The following PPA2 variants were observed in gnomAD, a reference collection of about 807,000 sequenced individuals.
PPA2 encodes inorganic pyrophosphatase 2, mitochondrial.
In PPA2, 48 loss-of-function variants were observed where a neutral mutation model predicts 49.5. The ratio of observed to expected loss-of-function variants is 0.97; its 90% CI spans 0.77 to 1.23. The LOEUF (loss-of-function observed/expected upper bound fraction) is 1.23. Among genes scored for constraint, PPA2 ranks in the 50% most tolerant of loss-of-function variants. The pLI, the probability that PPA2 is intolerant of heterozygous loss-of-function variation, is 0.00. For missense variants in PPA2, 429 were observed against 410.1 expected, an observed-to-expected ratio of 1.05 and a Z score of -0.40; for synonymous variants, 131 against 139.9, an observed-to-expected ratio of 0.94 and a Z score of 0.45.
chr4:105,449,984 G>C (rs1722597514), intron 3 of PPA2, among the ~76,000 whole-genome samples: 1 of 152,032 alleles, frequency 6.6e-6, no homozygotes, highest in African/African-American at 2.4e-5. Context: ...TCCAGACTTA[G>C]CTTGCATATC....
chr4:105,449,432 A>G, intron 3 of PPA2, 29 bp from the exon 4 acceptor site: 2 of 1,456,514 alleles, frequency 1.4e-6, no homozygotes, highest in Non-Finnish European at 1.9e-6. Context: ...CAAAGAGAGA[A>G]CATTAAAAAT....
chr4:105,384,409 A>C (rs747034872), intron 10 of PPA2, among the ~76,000 whole-genome samples: 21 of 151,656 alleles, frequency 1.4e-4, no homozygotes, highest in Non-Finnish European at 2.8e-4. Context: ...TATGTCCTCC[A>C]ATTATTTTTT....
chr4:105,396,218 CATTA>C, intron 9 of PPA2, 27 bp downstream of exon 9: 1 of 1,348,204 alleles, frequency 7.4e-7, no homozygotes. Context: ...ATTAATATAA[CATTA>C]CTTACATAGA....
chr4:105,419,601 T>C (rs1215363402), intron 7 of PPA2, among the ~76,000 whole-genome samples: 1 of 152,232 alleles, frequency 6.6e-6, no homozygotes, highest in Non-Finnish European at 1.5e-5. Context: ...CTTTTTTTAC[T>C]AATTGAAAAA....
chr4:105,453,456 C>G (rs1722749830), intron 3 of PPA2, 142 bp downstream of exon 3: 1 of 544,308 alleles, frequency 1.8e-6, no homozygotes, highest in African/African-American at 2.0e-5. Context: ...GCCCTAGCTG[C>G]CTTAAAGAAA....
intron 7 of PPA2, among the ~76,000 whole-genome samples, chr4:105,421,172 G>T (rs1043398410): frequency 9.2e-5 from 14 of 152,124 alleles, no homozygotes; most frequent in African/African-American, 2.9e-4. Context: ...AGTTATTAGG[G>T]TAATAGTAGA....
intron 5 of PPA2, among the ~76,000 whole-genome samples, chr4:105,439,317 T>C (rs1372748929): frequency 6.6e-6 from 1 of 152,222 alleles, no homozygotes; most frequent in Non-Finnish European, 1.5e-5. Flanking sequence ...TCATTTTTTA[T>C]GTGCAAATTA....
At chr4:105,395,394 G>T (rs1560610704) in intron 9 of PPA2, among the ~76,000 whole-genome samples, 1 of 151,004 alleles carries the variant, frequency 6.6e-6, no homozygotes, top group Non-Finnish European at 1.5e-5. Context: ...GACTGCTTTT[G>T]CCTCCTATAC....
At chr4:105,453,159 A>G (rs17035614) in intron 3 of PPA2, among the ~76,000 whole-genome samples, 13,883 of 152,218 alleles carry the variant, frequency 0.091, 1,299 homozygotes, top group African/African-American at 0.24. Flanking sequence ...AGGTTTTCCC[A>G]TTGTAAAATG....
Position 105,438,645 on chromosome 4 carries a change from A to G in PPA2, c.442-609T>C, listed in dbSNP as rs566390850. ...CTGGCAAGATTATACCCTGTTGGTT[A>G]CAAAATATACACATAGGAATTTTTA... On this transcript the variant is annotated intron_variant, in intron 5 of 11. Transcript: ENST00000341695. Among the ~76,000 whole-genome samples the G allele has an allele frequency of 3.9e-5, 6 of 152,358 alleles. No individual in the cohort carries two copies. The East Asian group carries it at 7.7e-4, about 20-fold the overall frequency.
intron 7 of PPA2, chr4:105,407,099 AAAAAG>A (rs1166580390): frequency 2.0e-5 from 3 of 150,580 alleles, no homozygotes; most frequent in Non-Finnish European, 4.4e-5. Context: ...TAAAAAAAAA[AAAAAG>A]AAAAGAAAAT....
At chr4:105,396,945 A>G (rs185677531) in intron 8 of PPA2, among the ~76,000 whole-genome samples, 1 of 152,308 alleles carries the variant, frequency 6.6e-6, no homozygotes, top group Admixed American at 6.5e-5. Flanking sequence ...ATTTTAGACT[A>G]TCCACTGTCT....
chr4:105,416,701 T>C (rs902848816), intron 7 of PPA2, among the ~76,000 whole-genome samples: 14 of 152,250 alleles, frequency 9.2e-5, no homozygotes, highest in African/African-American at 2.9e-4. Context: ...TAATAATTTA[T>C]GCTTACTCAG....
At chr4:105,407,712 G>A (rs1179906345) in intron 7 of PPA2, among the ~76,000 whole-genome samples, 1 of 152,096 alleles carries the variant, frequency 6.6e-6, no homozygotes, top group East Asian at 1.9e-4. Flanking sequence ...AAAACATTAG[G>A]CAAGAGAAAA....
In PPA2 at chr4:105,446,515, C is replaced by G. The variant is rs1722392882; in HGVS notation, c.322-13G>C. ...CCTTGGTGGCAATCTAAGCAAATCACAGAAGGAAGAAAAGGAGATGGGATA... is the reference window on the plus strand; with the variant it reads ...CCTTGGTGGCAATCTAAGCAAATCAGAGAAGGAAGAAAAGGAGATGGGATA... On this transcript the variant is annotated splice_polypyrimidine_tract_variant and intron_variant, in intron 4 of 11. Coordinates refer to ENST00000341695, the MANE Select transcript of PPA2 (RefSeq NM_176869.3). 6.3e-7 allele frequency: 1 copy of G among 1,595,214 alleles called. No homozygotes were observed. The highest frequency in any genetic ancestry group is 1.4e-5 in the African/African-American group (1 of 73,850).
chr4:105,375,811 G>C (rs1000926444), intron 10 of PPA2, among the ~76,000 whole-genome samples: 5 of 152,126 alleles, frequency 3.3e-5, no homozygotes, highest in African/African-American at 1.2e-4. Flanking sequence ...AACCATTTGA[G>C]GAACATGCTG....
intron 8 of PPA2, among the ~76,000 whole-genome samples, chr4:105,397,604 CG>C (rs1307843677): frequency 6.6e-6 from 1 of 151,994 alleles, no homozygotes; most frequent in Admixed American, 6.6e-5. Flanking sequence ...AAATTTGATC[CG>C]CAGTGTTGGA....
At chr4:105,414,545 CA>C (rs1722916254) in intron 7 of PPA2, among the ~76,000 whole-genome samples, 1 of 152,236 alleles carries the variant, frequency 6.6e-6, no homozygotes, top group Admixed American at 6.5e-5. Flanking sequence ...CTGGACCAGG[CA>C]AACCCCGCAA....
At chr4:105,462,912 A>T (rs1473261988) in intron 1 of PPA2, among the ~76,000 whole-genome samples, 1 of 152,160 alleles carries the variant, frequency 6.6e-6, no homozygotes, top group African/African-American at 2.4e-5. Flanking sequence ...CCCATGTAAA[A>T]CTGTAAATCC....
Sources: allele counts gnomAD v4.1 joint callset (sites outside exome capture counted in the v4.1 genomes callset), GRCh38; gene constraint gnomAD v4.1.1; transcripts MANE v1.5; gene names NCBI Gene and HGNC (gene_info 2026-07-23, HGNC 2026-07-21).